The following ZNF536 variants were observed in gnomAD, a reference collection of about 807,000 sequenced individuals.
The protein encoded by ZNF536 is zinc finger protein 536.
Under a neutral mutation model 84.5 loss-of-function variants are expected in ZNF536, and 13 were observed. That is an observed-to-expected ratio of 0.15 (90% CI 0.10 to 0.24). The LOEUF (loss-of-function observed/expected upper bound fraction) is 0.24. Ranked by LOEUF, ZNF536 falls within the 10% of genes least tolerant of loss-of-function variation. ZNF536 has a pLI of 1.00. For synonymous variants in ZNF536, 811 were observed against 742.5 expected (o/e 1.09, Z -1.50); for missense variants, 1,536 against 1,747.5 (o/e 0.88, Z 2.16).
rs145053627 is a variant in ZNF536, at chr19:30,575,709, T to A, written c.169+26195T>A. On this transcript the variant is annotated intron_variant, in intron 1 of 1. Transcript: ENST00000592773. Reference sequence around the variant, plus strand: ...GGAGAGAAATAAGGCAAACCAGGAGTTAGGGAGTGCCGGGGGTGCTGCTAC... The same window carrying A: ...GGAGAGAAATAAGGCAAACCAGGAGATAGGGAGTGCCGGGGGTGCTGCTAC... 7.1e-3 allele frequency among the ~76,000 whole-genome samples: 1,083 copies of A among 151,518 alleles called. 18 individuals carry two copies. The highest frequency in any genetic ancestry group is 0.025 in the African/African-American group (1,034 of 41,264).
At chr19:30,293,440 A>AG (rs1184459416) in intron 2 of ZNF536, among the ~76,000 whole-genome samples, 3 of 152,236 alleles carry the variant, frequency 2.0e-5, no homozygotes, top group Non-Finnish European at 4.4e-5. Flanking sequence ...TGGGGGCTGC[A>AG]GGAAATGGCT....
chr19:30,649,379 C>T (rs2049609840), intron 1 of ZNF536, among the ~76,000 whole-genome samples: 1 of 152,168 alleles, frequency 6.6e-6, no homozygotes, highest in African/African-American at 2.4e-5. Context: ...ACAGCTGTGT[C>T]TCACTAATAT....
chr19:30,255,464 G>A (rs1394694120), intron 1 of ZNF536, among the ~76,000 whole-genome samples: 1 of 152,104 alleles, frequency 6.6e-6, no homozygotes, highest in East Asian at 1.9e-4. Flanking sequence ...GATGCATTAG[G>A]TTTGGGGGTC....
chr19:30,532,347 T>G (rs369812348), intron 2 of ZNF536, among the ~76,000 whole-genome samples: 1 of 152,010 alleles, frequency 6.6e-6, no homozygotes, highest in African/African-American at 2.4e-5. Flanking sequence ...GCCAGGCTAG[T>G]CTTGAGCTCC....
At chr19:30,385,747 A>T (rs377685937) in intron 1 of ZNF536, among the ~76,000 whole-genome samples, 3 of 152,082 alleles carry the variant, frequency 2.0e-5, no homozygotes, top group South Asian at 4.1e-4. Context: ...TTCAGACTTG[A>T]TGGTTTACCC....
At position 30,253,374 on chromosome 19, in the gene ZNF536, T is replaced by G. The variant is rs573560673; in HGVS notation, c.-190+24701T>G. On this transcript the variant is annotated intron_variant, in intron 1 of 5. Transcript: ENST00000585628. Reference sequence around the variant, plus strand: ...TTTAAGAGACATAGAAAATTTAAGGTTTTTTTTGGCTTACAATTCATCATA... The same window carrying G: ...TTTAAGAGACATAGAAAATTTAAGGGTTTTTTTGGCTTACAATTCATCATA... Among the ~76,000 whole-genome samples, 6 of 152,024 alleles carry G rather than the reference T, an allele frequency of 3.9e-5. No individual in the cohort carries two copies. In the East Asian group the frequency reaches 7.7e-4, roughly 20 times the overall value.
At position 30,237,043 on chromosome 19, in the gene ZNF536, AT is replaced by A. The variant is rs10629452; in HGVS notation, c.-190+8383del. On this transcript the variant is annotated intron_variant, in intron 1 of 5. Coordinates refer to the ZNF536 transcript ENST00000585628. Reference sequence around the variant, plus strand: ...TTGACAGGAGCTAGATTCTTGTGAGATTTTTTTTTTTTTCTTCTAGGCACTG... The same window carrying A: ...TTGACAGGAGCTAGATTCTTGTGAGATTTTTTTTTTTTCTTCTAGGCACTG... Among the ~76,000 whole-genome samples, 143 of 147,570 alleles carry A rather than the reference AT, an allele frequency of 9.7e-4. No homozygotes were observed. The Middle Eastern group carries it at 0.01, about 11-fold the overall frequency.
chr19:30,487,223 C>A (rs1005035166), intron 2 of ZNF536, among the ~76,000 whole-genome samples: 2 of 152,164 alleles, frequency 1.3e-5, no homozygotes, highest in African/African-American at 4.8e-5. Context: ...AAGTTACCTG[C>A]GTGGAAATGT....
intron 1 of ZNF536, among the ~76,000 whole-genome samples, chr19:30,563,133 G>A (rs918697108): frequency 1.3e-5 from 2 of 152,084 alleles, no homozygotes; most frequent in Non-Finnish European, 2.9e-5. Context: ...GATGAAGACC[G>A]AGAACCCGCT....
At chr19:30,571,905 G>A (rs772521047) in intron 1 of ZNF536, among the ~76,000 whole-genome samples, 18 of 152,196 alleles carry the variant, frequency 1.2e-4, no homozygotes, top group Non-Finnish European at 2.4e-4. Context: ...GAGAGGACTT[G>A]CCCTTGGTTG....
intron 1 of ZNF536, among the ~76,000 whole-genome samples, chr19:30,625,225 G>A (rs2048632405): frequency 6.6e-6 from 1 of 152,078 alleles, no homozygotes; most frequent in East Asian, 1.9e-4. Context: ...ACAATAAAGG[G>A]TATGACTCAC....
chr19:30,547,896 A>G, intron 3 of ZNF536, 47 bp from the exon 4 acceptor site: 10 of 1,510,032 alleles, frequency 6.6e-6, no homozygotes, highest in Non-Finnish European at 8.8e-6. Flanking sequence ...TCAGCACACC[A>G]AAATGAGATA....
chr19:30,360,479 A>G (rs546252368), intron 3 of ZNF536, among the ~76,000 whole-genome samples: 43 of 152,310 alleles, frequency 2.8e-4, no homozygotes, highest in African/African-American at 1.0e-3. Context: ...TGCTGCATGC[A>G]TGGACTTTAT....
chr19:30,713,448 A>G (rs2052513884), exon 2 of ZNF536: 1 of 152,220 alleles, frequency 6.6e-6, no homozygotes, highest in African/African-American at 2.4e-5. Flanking sequence ...CTTTGTATTT[A>G]AAGTTTATTC....
At chr19:30,532,729 C>T (rs1433170216) in intron 2 of ZNF536, among the ~76,000 whole-genome samples, 1 of 152,160 alleles carries the variant, frequency 6.6e-6, no homozygotes, top group Non-Finnish European at 1.5e-5. Context: ...GATGGCCTTG[C>T]CACTGTCTAA....
intron 1 of ZNF536, among the ~76,000 whole-genome samples, chr19:30,421,200 T>A (rs961245197): frequency 2.6e-5 from 4 of 152,182 alleles, no homozygotes; most frequent in African/African-American, 9.7e-5. Context: ...CGGTAGATTT[T>A]AAAATTACTT....
chr19:30,281,484 CCT>C (rs2045441221), intron 1 of ZNF536, among the ~76,000 whole-genome samples: 1 of 150,698 alleles, frequency 6.6e-6, no homozygotes, highest in Admixed American at 6.6e-5. Context: ...TGCTCCTTGT[CCT>C]GGCAACCGGG....
chr19:30,555,649 A>G (rs16964334), intron 4 of ZNF536: 9,276 of 152,274 alleles, frequency 0.061, 914 homozygotes, highest in African/African-American at 0.21. Context: ...TCTGCAGTCA[A>G]TTAGAGACTT....
At chr19:30,648,208 G>T (rs2049550343) in intron 1 of ZNF536, among the ~76,000 whole-genome samples, 1 of 152,158 alleles carries the variant, frequency 6.6e-6, no homozygotes, top group Admixed American at 6.5e-5. Context: ...AGCTGCAGGT[G>T]CCCTGTCAAG....
Sources: allele counts gnomAD v4.1 joint callset (sites outside exome capture counted in the v4.1 genomes callset), GRCh38; gene constraint gnomAD v4.1.1; transcripts MANE v1.5; gene names NCBI Gene and HGNC (gene_info 2026-07-23, HGNC 2026-07-21).